Variants in PLA2R1 observed in about 807,000 individuals in gnomAD.
PLA2R1 encodes the protein secretory phospholipase A2 receptor.
In PLA2R1, 158 loss-of-function variants were observed where a neutral mutation model predicts 195.9. The ratio of observed to expected loss-of-function variants is 0.81; its 90% CI spans 0.71 to 0.92. The LOEUF (loss-of-function observed/expected upper bound fraction) is 0.92. Ranked by LOEUF, PLA2R1 falls within the 40% of genes least tolerant of loss-of-function variation. The pLI is 0.00. For missense variants in PLA2R1, 1,626 were observed against 1,764.6 expected (o/e 0.92, Z 1.41); for synonymous variants, 586 against 598.2 (o/e 0.98, Z 0.30).
chr2:160,021,367 T>A (rs974450057), intron 7 of PLA2R1, among the ~76,000 whole-genome samples: 5 of 152,168 alleles, frequency 3.3e-5, no homozygotes, highest in African/African-American at 1.2e-4. Context: ...AAAGATGGAA[T>A]CATGTAAGTA....
chr2:159,969,213 A>T, intron 19 of PLA2R1, 43 bp downstream of exon 19: 1 of 926,004 alleles, frequency 1.1e-6, no homozygotes, highest in South Asian at 1.4e-5. Flanking sequence ...CCTGAAAATT[A>T]TCAGTTTGTA....
intron 17 of PLA2R1, among the ~76,000 whole-genome samples, chr2:159,974,405 T>C (rs1689397761): frequency 6.6e-6 from 1 of 152,162 alleles, no homozygotes; most frequent in South Asian, 2.1e-4. Flanking sequence ...CCACAGGGGG[T>C]TCTTGGGAAG....
At chr2:160,059,265 A>G (rs1695788598) in intron 1 of PLA2R1, among the ~76,000 whole-genome samples, 1 of 152,194 alleles carries the variant, frequency 6.6e-6, no homozygotes, top group African/African-American at 2.4e-5. Context: ...ACAGGCCACA[A>G]ACTGGTAGGT....
Position 160,024,152 on chromosome 2 carries a change from C to T in PLA2R1, c.1100-1293G>A, listed in dbSNP as rs548952428. ...CTCTCTGTGGACTATGGGTCTATTG[C>T]GCTGCACAATGTTGAAAAAAGAACC... On this transcript the variant is annotated intron_variant, in intron 6 of 29. Transcript: ENST00000283243. 1.1e-3 allele frequency among the ~76,000 whole-genome samples: 163 copies of T among 152,238 alleles called. 1 individual carries two copies. The highest frequency in any genetic ancestry group is 2.0e-3 in the Non-Finnish European group (134 of 68,014).
At chr2:159,997,081 G>A (rs1691263212) in intron 11 of PLA2R1, among the ~76,000 whole-genome samples, 2 of 152,118 alleles carry the variant, frequency 1.3e-5, no homozygotes, top group Non-Finnish European at 2.9e-5. Flanking sequence ...CTTTTAGCAT[G>A]TCTTGTAATA....
chr2:159,951,717 A>T (rs1482375570), intron 23 of PLA2R1, 139 bp from the exon 24 acceptor site: 1 of 629,548 alleles, frequency 1.6e-6, no homozygotes, highest in African/African-American at 1.8e-5. Flanking sequence ...TCAAAACAAG[A>T]ACACTATCTG....
At chr2:159,984,990 C>G (rs1690226733) in intron 12 of PLA2R1, among the ~76,000 whole-genome samples, 1 of 152,184 alleles carries the variant, frequency 6.6e-6, no homozygotes. Flanking sequence ...CTCTGGGAAC[C>G]TCTTCCCGAA....
chr2:160,023,048 G>T (rs1164077232), intron 6 of PLA2R1, among the ~76,000 whole-genome samples, 189 bp from the exon 7 acceptor site: 2 of 152,164 alleles, frequency 1.3e-5, no homozygotes, highest in African/African-American at 4.8e-5. Flanking sequence ...TCTAGATTTA[G>T]ATCTAGGATC....
At chr2:160,023,826 G>A (rs1478729147) in intron 6 of PLA2R1, among the ~76,000 whole-genome samples, 1 of 152,200 alleles carries the variant, frequency 6.6e-6, no homozygotes, top group Non-Finnish European at 1.5e-5. Flanking sequence ...CTGAAGGAGA[G>A]TGCTGGAGCA....
chr2:160,012,379 T>G (rs974964052), intron 10 of PLA2R1, among the ~76,000 whole-genome samples: 1 of 152,106 alleles, frequency 6.6e-6, no homozygotes, highest in African/African-American at 2.4e-5. Flanking sequence ...CTCTTGGTAT[T>G]TTTATCCCCT....
intron 3 of PLA2R1, among the ~76,000 whole-genome samples, chr2:160,035,458 C>T (rs1694114494): frequency 6.6e-6 from 1 of 152,184 alleles, no homozygotes; most frequent in African/African-American, 2.4e-5. Context: ...TCTGAAGGGT[C>T]ACCCCAGCTT....
At chr2:160,021,776 T>C (rs77904743) in intron 7 of PLA2R1, among the ~76,000 whole-genome samples, 491 of 152,356 alleles carry the variant, frequency 3.2e-3, no homozygotes, top group African/African-American at 0.011. Context: ...ACCTATTTTT[T>C]AAAGTATTTT....
chr2:159,956,524 C>A lies in PLA2R1; in HGVS notation c.3008G>T (p.Ser1003Ile), dbSNP rs545050830. ...GAGTACTCTACCTTGCTCCACCTCACTTTCAATGGCGACCAGGGTCCCCCC... is the reference window on the plus strand; with the variant it reads ...GAGTACTCTACCTTGCTCCACCTCAATTTCAATGGCGACCAGGGTCCCCCC... ...EEGGTLVAIE[S>I]EVEQAFITMN... The change falls in exon 21 of 30, where the codon AGT becomes ATT. Residue 1003 changes from serine (S) to isoleucine (I), a missense_variant. Coordinates refer to ENST00000283243, the MANE Select transcript of PLA2R1 (RefSeq NM_007366.5). 2 of 1,606,980 alleles carry A rather than the reference C, an allele frequency of 1.2e-6. No homozygotes were observed. Among genetic ancestry groups the A allele is most frequent in the South Asian group, 1.1e-5 (1 of 90,956 alleles).
At chr2:160,015,394 A>T (rs940421700) in intron 9 of PLA2R1, among the ~76,000 whole-genome samples, 3 of 152,256 alleles carry the variant, frequency 2.0e-5, no homozygotes, top group Non-Finnish European at 4.4e-5. Context: ...AGACTGATGC[A>T]TAATAAAATT....
chr2:159,958,872 C>T (rs1023194639), intron 20 of PLA2R1, among the ~76,000 whole-genome samples: 1 of 152,102 alleles, frequency 6.6e-6, no homozygotes, highest in Non-Finnish European at 1.5e-5. Flanking sequence ...TTATCTGACC[C>T]CAAATGTCAA....
intron 29 of PLA2R1, 23 bp downstream of exon 29, chr2:159,942,103 TG>T (rs1687117040): frequency 1.2e-6 from 2 of 1,604,702 alleles, no homozygotes; most frequent in Non-Finnish European, 8.5e-7. Context: ...AAAATCAAAA[TG>T]TTTTGTATGG....
intron 3 of PLA2R1, among the ~76,000 whole-genome samples, chr2:160,034,042 G>A (rs1175913997): frequency 6.6e-6 from 1 of 152,162 alleles, no homozygotes; most frequent in African/African-American, 2.4e-5. Context: ...TGGACACAAT[G>A]CATACATAGC....
intron 6 of PLA2R1, among the ~76,000 whole-genome samples, chr2:160,024,754 A>T (rs1470606793): frequency 6.6e-6 from 1 of 152,132 alleles, no homozygotes; most frequent in African/African-American, 2.4e-5. Flanking sequence ...CTGCCCTCCA[A>T]CACAAACAGC....
At chr2:160,001,238 T>G (rs936821909) in intron 11 of PLA2R1, among the ~76,000 whole-genome samples, 2 of 152,142 alleles carry the variant, frequency 1.3e-5, no homozygotes, top group Non-Finnish European at 2.9e-5. Flanking sequence ...TGAATAACTT[T>G]GATATTGTTG....
Sources: allele counts gnomAD v4.1 joint callset (sites outside exome capture counted in the v4.1 genomes callset), GRCh38; gene constraint gnomAD v4.1.1; transcripts MANE v1.5; gene names NCBI Gene and HGNC (gene_info 2026-07-23, HGNC 2026-07-21).